Variants in GRID2 observed in about 807,000 individuals in gnomAD.
GRID2 encodes glutamate receptor ionotropic, delta-2.
A neutral mutation model predicts 114.8 loss-of-function variants in GRID2; 33 were observed. The observed-to-expected ratio is 0.29, with a 90% confidence interval of 0.22 to 0.38. The LOEUF is 0.38. Ranked by LOEUF, GRID2 falls within the 10% of genes least tolerant of loss-of-function variation. The pLI, the probability that GRID2 is intolerant of heterozygous loss-of-function variation, is 1.00. For missense variants in GRID2, 1,184 were observed against 1,257.7 expected (o/e 0.94, Z 0.89); for synonymous variants, 505 against 449.9 (o/e 1.12, Z -1.55).
intron 2 of GRID2, among the ~76,000 whole-genome samples, chr4:92,739,775 G>C (rs961254526): frequency 2.6e-5 from 4 of 152,094 alleles, no homozygotes; most frequent in Non-Finnish European, 5.9e-5. Flanking sequence ...AAAGGAAAAA[G>C]TGTTTCTGAT....
At chr4:92,808,546 C>CA (rs1224653269) in intron 2 of GRID2, among the ~76,000 whole-genome samples, 3 of 151,940 alleles carry the variant, frequency 2.0e-5, no homozygotes, top group Admixed American at 2.0e-4. Context: ...AGGTAACTTC[C>CA]ATTTCGGAAG....
chr4:92,841,385 T>C (rs977778128), intron 2 of GRID2, among the ~76,000 whole-genome samples: 25 of 152,134 alleles, frequency 1.6e-4, no homozygotes, highest in African/African-American at 6.0e-4. Context: ...GTTATAATTT[T>C]ACATATGCAG....
At chr4:92,564,842 G>A (rs1018816859) in intron 1 of GRID2, among the ~76,000 whole-genome samples, 3 of 151,932 alleles carry the variant, frequency 2.0e-5, no homozygotes, top group African/African-American at 7.2e-5. Context: ...CGTGCTACAA[G>A]GCCAAATATA....
In GRID2 at chr4:92,329,311, G is replaced by A. The variant is rs561602681; in HGVS notation, c.88+24567G>A. Among the ~76,000 whole-genome samples, 7 of 151,886 alleles carry A rather than the reference G, an allele frequency of 4.6e-5. No homozygotes were observed. In the South Asian group the frequency reaches 1.2e-3, roughly 27 times the overall value. On this transcript the variant is annotated intron_variant, in intron 1 of 15. Coordinates refer to ENST00000282020, the MANE Select transcript of GRID2 (RefSeq NM_001510.4). Reference sequence around the variant, plus strand: ...TTAAGCCCTCTCTATTTAAACTTTGGAGTTTATTATAAAAGGAAAGAAAAC... The same window carrying A: ...TTAAGCCCTCTCTATTTAAACTTTGAAGTTTATTATAAAAGGAAAGAAAAC...
intron 2 of GRID2, among the ~76,000 whole-genome samples, chr4:92,766,012 C>A (rs1000776676): frequency 2.7e-5 from 4 of 149,234 alleles, no homozygotes; most frequent in Non-Finnish European, 5.9e-5. Flanking sequence ...GTAAGTGATC[C>A]GATTTGCATA....
chr4:93,499,227 C>T (rs1387863859), intron 12 of GRID2, among the ~76,000 whole-genome samples: 1 of 151,690 alleles, frequency 6.6e-6, no homozygotes, highest in Non-Finnish European at 1.5e-5. Flanking sequence ...CATGACTGTC[C>T]CTGCCTGCTG....
chr4:92,346,939 T>G (rs1289283339), intron 1 of GRID2, among the ~76,000 whole-genome samples: 1 of 152,200 alleles, frequency 6.6e-6, no homozygotes, highest in Non-Finnish European at 1.5e-5. Context: ...TGTCTCTCTA[T>G]CTATCTCATC....
intron 1 of GRID2, among the ~76,000 whole-genome samples, chr4:92,548,308 A>G (rs1295881461): frequency 1.3e-5 from 2 of 151,872 alleles, no homozygotes; most frequent in Non-Finnish European, 2.9e-5. Flanking sequence ...TATTCATTCA[A>G]TGCCCTTTTA....
At chr4:92,632,219 T>C (rs750964316) in intron 2 of GRID2, among the ~76,000 whole-genome samples, 4 of 152,168 alleles carry the variant, frequency 2.6e-5, no homozygotes, top group Non-Finnish European at 4.4e-5. Flanking sequence ...AATTAGACTA[T>C]TATCACTTTT....
At chr4:92,964,994 C>A (rs1307083865) in intron 2 of GRID2, among the ~76,000 whole-genome samples, 1 of 152,012 alleles carries the variant, frequency 6.6e-6, no homozygotes, top group Non-Finnish European at 1.5e-5. Flanking sequence ...GCCTAGCTTT[C>A]AGCTTATCTT....
chr4:92,641,280 CT>C (rs1277459124), intron 2 of GRID2, among the ~76,000 whole-genome samples: 2 of 139,792 alleles, frequency 1.4e-5, no homozygotes, highest in South Asian at 2.4e-4. Flanking sequence ...AACATTGTTC[CT>C]TTTTGTTACT....
intron 13 of GRID2, among the ~76,000 whole-genome samples, chr4:93,531,032 G>A (rs7695464): frequency 2.0e-5 from 3 of 152,028 alleles, no homozygotes; most frequent in Non-Finnish European, 4.4e-5. Context: ...GTCTTGTCTG[G>A]TATGTTTATG....
chr4:92,763,610 A>G (rs770297026), intron 2 of GRID2, among the ~76,000 whole-genome samples: 4 of 152,196 alleles, frequency 2.6e-5, no homozygotes, highest in Non-Finnish European at 4.4e-5. Context: ...TTGTACCCAT[A>G]TAAGTGACTT....
intron 2 of GRID2, among the ~76,000 whole-genome samples, chr4:92,932,366 C>G (rs1216803143): frequency 6.6e-6 from 1 of 151,258 alleles, no homozygotes; most frequent in East Asian, 1.9e-4. Flanking sequence ...GGCTTTTAGA[C>G]ACACACACAT....
intron 1 of GRID2, among the ~76,000 whole-genome samples, chr4:92,412,846 T>C (rs1234583381): frequency 6.6e-6 from 1 of 152,168 alleles, no homozygotes; most frequent in Non-Finnish European, 1.5e-5. Context: ...TGTCTTCTTC[T>C]CCTTTGTTCA....
intron 2 of GRID2, among the ~76,000 whole-genome samples, chr4:92,826,860 G>A (rs1741742117): frequency 6.6e-6 from 1 of 151,976 alleles, no homozygotes; most frequent in Non-Finnish European, 1.5e-5. Context: ...CTGGTAATTG[G>A]TTTGATTGAT....
At chr4:93,435,560 T>C (rs1721002843) in intron 10 of GRID2, among the ~76,000 whole-genome samples, 1 of 152,172 alleles carries the variant, frequency 6.6e-6, no homozygotes, top group Non-Finnish European at 1.5e-5. Context: ...GAATCAAAAC[T>C]ACTATTTTAG....
intron 2 of GRID2, among the ~76,000 whole-genome samples, chr4:92,629,434 A>G (rs970811853): frequency 4.5e-4 from 68 of 152,226 alleles, no homozygotes; most frequent in African/African-American, 1.5e-3. Flanking sequence ...TCCCCATTGA[A>G]CTACTTCAAA....
intron 2 of GRID2, among the ~76,000 whole-genome samples, chr4:93,042,762 C>A (rs1243460759): frequency 1.4e-5 from 2 of 147,580 alleles, no homozygotes; most frequent in African/African-American, 2.5e-5. Flanking sequence ...AATTACATTC[C>A]TAGCAACTAT....
Sources: gnomAD v4.1 joint callset for allele counts (sites outside exome capture counted in the v4.1 genomes callset) on GRCh38, gnomAD v4.1.1 for gene constraint, MANE v1.5 for transcripts, NCBI Gene and HGNC (gene_info 2026-07-23, HGNC 2026-07-21) for gene names.